The following BCAS3 variants were observed in gnomAD, a reference collection of about 807,000 sequenced individuals.
The protein encoded by BCAS3 is BCAS4/BCAS3 fusion.
BCAS3 carries 53 observed loss-of-function variants against 116.1 expected under a neutral mutation model. The ratio of observed to expected loss-of-function variants is 0.46; its 90% confidence interval spans 0.37 to 0.57. BCAS3 has a LOEUF of 0.57. BCAS3 is among the 20% of genes least tolerant of loss of function. BCAS3 has a pLI of 0.00. For missense variants in BCAS3, 917 were observed against 1,165.4 expected (o/e 0.79, Z 3.10); for synonymous variants, 391 against 408.2 (o/e 0.96, Z 0.51).
In BCAS3 at chr17:61,213,783, A is replaced by G. The variant is rs1171283224; in HGVS notation, c.2425+129219A>G. Among the ~76,000 whole-genome samples, 1 of 152,198 alleles carries G rather than the reference A, an allele frequency of 6.6e-6. No individual in the cohort carries two copies. The highest frequency in any genetic ancestry group is 2.4e-5 in the African/African-American group (1 of 41,450). ...CAGAATTTTCTGGATGTGGTTTAGTATATCATGATTACCAAATCACAGCTC... is the reference window on the plus strand; with the variant it reads ...CAGAATTTTCTGGATGTGGTTTAGTGTATCATGATTACCAAATCACAGCTC... On this transcript the variant is annotated intron_variant, in intron 22 of 23. Transcript: ENST00000407086. This position sits in a 1 kb window ranked among gnomAD's most constrained non-coding sequence, Gnocchi z 5.4.
At position 61,332,577 on chromosome 17, in the gene BCAS3, C is replaced by T. The variant is rs1414889608; in HGVS notation, c.2426-35750C>T. On this transcript the variant is annotated intron_variant, in intron 22 of 23. Transcript: ENST00000407086. This position sits in a 1 kb window ranked among gnomAD's most constrained non-coding sequence, Gnocchi z 5.4. ...ATTGCCTCTGCTAATCTCTATACTA[C>T]CCTGTGACATAGGAATTATTATCCC... 6.6e-6 allele frequency among the ~76,000 whole-genome samples: 1 copy of T among 152,172 alleles called. No individual in the cohort carries two copies. The highest frequency in any genetic ancestry group is 1.5e-5 in the Non-Finnish European group (1 of 68,022).
intron 6 of BCAS3, among the ~76,000 whole-genome samples, chr17:60,798,227 T>G (rs1042208273): frequency 6.6e-6 from 1 of 152,332 alleles, no homozygotes; most frequent in East Asian, 1.9e-4. Context: ...TTCTAGAAAT[T>G]TTCATAAATG....
At chr17:61,299,260 G>A (rs552776755) in intron 22 of BCAS3, among the ~76,000 whole-genome samples, 33 of 151,800 alleles carry the variant, frequency 2.2e-4, no homozygotes, top group African/African-American at 7.0e-4. Flanking sequence ...TGGTTAACAC[G>A]GTGAAACTCT....
At chr17:61,099,277 C>T (rs1464865093) in intron 22 of BCAS3, among the ~76,000 whole-genome samples, 1 of 152,100 alleles carries the variant, frequency 6.6e-6, no homozygotes, top group Non-Finnish European at 1.5e-5. Context: ...GTATTGGTAC[C>T]TTCCACAGAG....
At chr17:61,357,894 G>T (rs541493035) in intron 22 of BCAS3, among the ~76,000 whole-genome samples, 1 of 151,748 alleles carries the variant, frequency 6.6e-6, no homozygotes, top group Non-Finnish European at 1.5e-5. Context: ...TTCCAGACCC[G>T]CCTGGCCAAC....
chr17:60,821,108 G>A (rs1168322781), intron 7 of BCAS3, among the ~76,000 whole-genome samples: 1 of 151,994 alleles, frequency 6.6e-6, no homozygotes, highest in Non-Finnish European at 1.5e-5. Context: ...CATCATGCCT[G>A]GCTAATATTT....
chr17:60,864,237 A>G (rs1211459506), intron 7 of BCAS3, among the ~76,000 whole-genome samples: 2 of 152,182 alleles, frequency 1.3e-5, no homozygotes, highest in Non-Finnish European at 2.9e-5. Flanking sequence ...GTCAACTGTC[A>G]TGGTGCTGAT....
chr17:61,067,409 C>G (rs1292772124), intron 19 of BCAS3, among the ~76,000 whole-genome samples: 1 of 148,686 alleles, frequency 6.7e-6, no homozygotes, highest in Non-Finnish European at 1.5e-5. Context: ...TTGCTTTACA[C>G]ATACTCACAT....
intron 22 of BCAS3, among the ~76,000 whole-genome samples, chr17:61,357,601 AC>A (rs1568931751): frequency 6.7e-6 from 1 of 148,562 alleles, no homozygotes; most frequent in East Asian, 2.0e-4. Context: ...CTGCCACCAC[AC>A]CCGGCTAATG....
intron 22 of BCAS3, among the ~76,000 whole-genome samples, chr17:61,274,159 T>TCC (rs1187427784): frequency 6.6e-6 from 1 of 151,596 alleles, no homozygotes; most frequent in Non-Finnish European, 1.5e-5. Context: ...CCTTCCTGTG[T>TCC]CCATGTGTTC....
At chr17:60,888,872 C>A (rs1301252760) in intron 9 of BCAS3, among the ~76,000 whole-genome samples, 1 of 152,006 alleles carries the variant, frequency 6.6e-6, no homozygotes, top group Admixed American at 6.6e-5. Flanking sequence ...AAATAGATGG[C>A]AGTTTAGGGA....
intron 7 of BCAS3, among the ~76,000 whole-genome samples, chr17:60,838,500 C>T (rs928022343): frequency 5.3e-5 from 8 of 151,660 alleles, no homozygotes; most frequent in African/African-American, 1.2e-4. Context: ...ATAAGACCCC[C>T]GAGAAAGATA....
At chr17:60,893,545 G>A (rs1272621471) in intron 10 of BCAS3, among the ~76,000 whole-genome samples, 3 of 147,984 alleles carry the variant, frequency 2.0e-5, no homozygotes, top group African/African-American at 2.5e-5. Context: ...AATATCAGTT[G>A]GTTATAAGTA....
intron 5 of BCAS3, among the ~76,000 whole-genome samples, chr17:60,710,919 C>T (rs2144021465): frequency 6.6e-6 from 1 of 151,668 alleles, no homozygotes; most frequent in East Asian, 1.9e-4. Context: ...CCTCCCACAT[C>T]AGCCTCTGGA....
At chr17:60,807,417 A>G (rs774452877) in intron 6 of BCAS3, among the ~76,000 whole-genome samples, 1 of 152,064 alleles carries the variant, frequency 6.6e-6, no homozygotes, top group Non-Finnish European at 1.5e-5. Flanking sequence ...TTGGTGGGGT[A>G]TGGGATGGTT....
chr17:61,175,404 T>G (rs1369163009), intron 22 of BCAS3, among the ~76,000 whole-genome samples: 1 of 151,284 alleles, frequency 6.6e-6, no homozygotes, highest in Non-Finnish European at 1.5e-5. Context: ...AAAAAAAAGC[T>G]CTTGGGTTTA....
intron 7 of BCAS3, among the ~76,000 whole-genome samples, chr17:60,862,111 G>A (rs1402467576): frequency 4.6e-5 from 7 of 151,910 alleles, no homozygotes; most frequent in African/African-American, 1.7e-4. Flanking sequence ...GTGAAACCTC[G>A]TCTCTACTAA....
intron 22 of BCAS3, among the ~76,000 whole-genome samples, chr17:61,341,933 A>G (rs2143243115): frequency 6.6e-6 from 1 of 152,384 alleles, no homozygotes; most frequent in Middle Eastern, 3.4e-3. Context: ...CTTTCTAGAT[A>G]TGATAGACAG....
rs1186546723 is a variant in BCAS3, at chr17:61,377,003, G to A, written c.2593+8509G>A. ...GAGAGACAAGTTTCCTACCCTCAAA[G>A]AGATTAAAGCCCCAGAGGAGGCCAC... On this transcript the variant is annotated intron_variant, in intron 23 of 23. Coordinates refer to ENST00000407086, the MANE Select transcript of BCAS3 (RefSeq NM_017679.5). This position sits in a 1 kb window ranked among gnomAD's most constrained non-coding sequence, Gnocchi z 4.6. Among the ~76,000 whole-genome samples the A allele has an allele frequency of 6.6e-6, 1 of 152,212 alleles. No individual in the cohort carries two copies. Among genetic ancestry groups the A allele is most frequent in the Non-Finnish European group, 1.5e-5 (1 of 68,034 alleles).
Sources: gnomAD v4.1 joint callset for allele counts (sites outside exome capture counted in the v4.1 genomes callset) on GRCh38, gnomAD v4.1.1 for gene constraint, Gnocchi (gnomAD v3.1) non-coding constraint, MANE v1.5 for transcripts, NCBI Gene and HGNC (gene_info 2026-07-23, HGNC 2026-07-21) for gene names.